Variants in CRLS1 observed in about 807,000 individuals in gnomAD.
CRLS1 encodes the protein cardiolipin synthase (CMP-forming).
A neutral mutation model predicts 37.0 loss-of-function variants in CRLS1; 24 were observed. That is an observed-to-expected ratio of 0.65 (90% CI 0.47 to 0.91). The LOEUF is 0.91. Among genes scored for constraint, CRLS1 ranks in the 40% least tolerant of loss-of-function variants. The pLI is 0.00. For synonymous variants in CRLS1, 135 were observed against 159.7 expected, an observed-to-expected ratio of 0.85 and a Z score of 1.17; for missense variants, 373 against 395.8, an observed-to-expected ratio of 0.94 and a Z score of 0.49.
At chr20:6,009,242 G>C (rs2090099718) in intron 1 of CRLS1, among the ~76,000 whole-genome samples, 1 of 151,488 alleles carries the variant, frequency 6.6e-6, no homozygotes, top group African/African-American at 2.4e-5. Context: ...AGAATCACTT[G>C]AACCCGGGAG....
chr20:6,009,525 C>T (rs1046055497), intron 1 of CRLS1, among the ~76,000 whole-genome samples: 1 of 152,120 alleles, frequency 6.6e-6, no homozygotes, highest in Admixed American at 6.6e-5. Context: ...CCTCAGCCTC[C>T]TGAAGTGCAG....
chr20:6,013,445 G>GGGA (rs1318470612), intron 2 of CRLS1, among the ~76,000 whole-genome samples: 1 of 152,080 alleles, frequency 6.6e-6, no homozygotes, highest in Non-Finnish European at 1.5e-5. Flanking sequence ...TGGGGAAGAA[G>GGGA]GGAGGCAGGT....
chr20:6,022,850 T>G (rs935654099), intron 3 of CRLS1, among the ~76,000 whole-genome samples: 1 of 152,230 alleles, frequency 6.6e-6, no homozygotes, highest in Non-Finnish European at 1.5e-5. Context: ...GTTGTTGTTG[T>G]GTATTCTTTC....
At chr20:6,024,265 C>T (rs901029873) in intron 3 of CRLS1, among the ~76,000 whole-genome samples, 15 of 152,072 alleles carry the variant, frequency 9.9e-5, no homozygotes, top group African/African-American at 3.1e-4. Context: ...CTCTGTGTCA[C>T]GTTATAATAA....
rs1047321975 is a variant in CRLS1 at position 6,039,289 on chromosome 20, G to C, written c.*2131G>C. The stretch of plus-strand genomic sequence containing the variant: ...TGTGTGTGTGTGTGTGTGTGTGTGT[G>C]TGTGTGTGTGTGTGTATTTTGTTTT... On this transcript the variant is annotated 3_prime_UTR_variant, in exon 7 of 7. Transcript: ENST00000378863. 2 of 88,842 alleles carry C rather than the reference G, an allele frequency of 2.3e-5. No individual in the cohort carries two copies. Among genetic ancestry groups the C allele is most frequent in the African/African-American group, 6.7e-5 (2 of 29,738 alleles). 5.5% of individuals were successfully genotyped at this position (88,842 alleles called of 1,614,324 possible). A position where few individuals can be genotyped will look rare whatever the true frequency, so the allele number is the denominator to read the frequency against.
chr20:6,018,216 CAAAA>C (rs57874755), intron 3 of CRLS1, among the ~76,000 whole-genome samples: 23 of 78,362 alleles, frequency 2.9e-4, no homozygotes, highest in Non-Finnish European at 3.9e-4. Context: ...ACTCTGTCCT[CAAAA>C]AAAAAAAAAA....
intron 2 of CRLS1, among the ~76,000 whole-genome samples, chr20:6,011,207 C>T (rs1007563965): frequency 3.9e-5 from 6 of 152,240 alleles, no homozygotes; most frequent in African/African-American, 1.4e-4. Flanking sequence ...CCTCTTCAAA[C>T]TAATTTATGT....
intron 3 of CRLS1, among the ~76,000 whole-genome samples, chr20:6,018,606 G>T (rs1219401936): frequency 2.0e-5 from 3 of 152,142 alleles, no homozygotes; most frequent in African/African-American, 7.2e-5. Context: ...CTTCTGTTGG[G>T]AGTTTAAGAG....
At position 6,009,906 on chromosome 20, in the gene CRLS1, A is replaced by C; in HGVS notation, c.438A>C (p.Thr146=). 1 of 1,613,736 alleles carries C rather than the reference A, an allele frequency of 6.2e-7. No homozygotes were observed. The highest frequency in any genetic ancestry group is 1.3e-5 in the African/African-American group (1 of 75,052). ...ALGVFALAGL[T]DLLDGFIARN... is the part of the protein sequence containing the mutation. ...GAGTTTTTGCTTTAGCTGGACTAAC[A>C]GATTTGGTAAGTTGTAAATGCACTC... is the stretch of plus-strand genomic sequence containing the variant. The change falls in exon 2 of 7, where the codon ACA becomes ACC. Residue 146 remains threonine (T), a synonymous_variant. Coordinates refer to ENST00000378863, the MANE Select transcript of CRLS1 (RefSeq NM_019095.6).
chr20:6,035,614 A>T (rs942202684), intron 6 of CRLS1, among the ~76,000 whole-genome samples: 3 of 151,978 alleles, frequency 2.0e-5, no homozygotes, highest in African/African-American at 7.3e-5. Flanking sequence ...AATAGCAATT[A>T]AAAAAATTTT....
chr20:6,030,657 T>G (rs560473436), intron 3 of CRLS1, among the ~76,000 whole-genome samples: 22 of 151,790 alleles, frequency 1.4e-4, no homozygotes, highest in Middle Eastern at 3.4e-3. Context: ...AGGTCAAGGC[T>G]GCAGTGAGCC....
chr20:6,035,055 A>C (rs1198129427), intron 6 of CRLS1, among the ~76,000 whole-genome samples: 1 of 152,236 alleles, frequency 6.6e-6, no homozygotes, highest in African/African-American at 2.4e-5. Context: ...AAAGTGTGTC[A>C]AATTCACGCT....
chr20:6,013,690 A>G (rs562283415), intron 2 of CRLS1, among the ~76,000 whole-genome samples: 2 of 152,288 alleles, frequency 1.3e-5, no homozygotes, highest in African/African-American at 2.4e-5. Flanking sequence ...ATGGTAAACA[A>G]GTGTGGGATT....
At chr20:6,027,211 G>A (rs543051442) in intron 3 of CRLS1, among the ~76,000 whole-genome samples, 15 of 151,580 alleles carry the variant, frequency 9.9e-5, no homozygotes, top group Non-Finnish European at 1.8e-4. Context: ...AGCCTCCCGA[G>A]TAGCTGGGAT....
At chr20:6,012,430 A>C (rs1295176428) in intron 2 of CRLS1, among the ~76,000 whole-genome samples, 1 of 151,910 alleles carries the variant, frequency 6.6e-6, no homozygotes, top group Admixed American at 6.6e-5. Flanking sequence ...AGTTGGAGAG[A>C]AGTGTGTGGG....
chr20:6,006,936 G>C (rs1356550601), intron 1 of CRLS1: 2 of 589,192 alleles, frequency 3.4e-6, no homozygotes, highest in Non-Finnish European at 4.3e-6. Context: ...AGGTATACAG[G>C]CCCTTCTGTT....
intron 1 of CRLS1, among the ~76,000 whole-genome samples, chr20:6,007,578 G>A (rs957119286): frequency 1.3e-5 from 2 of 152,124 alleles, no homozygotes; most frequent in South Asian, 2.1e-4. Context: ...TTGTTAATTC[G>A]CCAAATGAAA....
intron 4 of CRLS1, among the ~76,000 whole-genome samples, chr20:6,031,610 A>C (rs962800758): frequency 6.6e-6 from 1 of 152,212 alleles, no homozygotes; most frequent in African/African-American, 2.4e-5. Flanking sequence ...AGTTGTATGA[A>C]CATGGGATGG....
Position 6,009,782 on chromosome 20 carries a change from A to G in CRLS1, c.314A>G (p.Asn105Ser). The G allele has an allele frequency of 1.9e-6, 3 of 1,605,040 alleles. No individual in the cohort carries two copies. Among genetic ancestry groups the G allele is most frequent in the Non-Finnish European group, 1.7e-6 (2 of 1,175,160 alleles). ...GTTGTCTTTGTGTTTCAGTATGAAAACCCATGGACAATCCCGAATATGTTG... is the reference window on the plus strand; with the variant it reads ...GTTGTCTTTGTGTTTCAGTATGAAAGCCCATGGACAATCCCGAATATGTTG... ...GPASTPSLYE[N>S]PWTIPNMLSM... Residue 105 changes from asparagine (N) to serine (S), a missense_variant, in exon 2 of 7, where the codon AAC (asparagine) becomes AGC (serine). Asn to Ser is a conservative substitution (Grantham distance 46, BLOSUM62 1). Transcript: ENST00000378863.
Sources: gnomAD v4.1 joint callset for allele counts (sites outside exome capture counted in the v4.1 genomes callset) on GRCh38, gnomAD v4.1.1 for gene constraint, MANE v1.5 for transcripts, NCBI Gene and HGNC (gene_info 2026-07-23, HGNC 2026-07-21) for gene names.